Variants in KIF6 observed in about 807,000 individuals in gnomAD.
KIF6 encodes the protein kinesin family member 6.
KIF6 carries 106 observed loss-of-function variants against 112.7 expected under a neutral mutation model. The observed-to-expected ratio is 0.94, with a 90% CI of 0.80 to 1.11. The LOEUF (loss-of-function observed/expected upper bound fraction) is 1.11. KIF6 is among the 50% of genes least tolerant of loss of function. The pLI is 0.00. For synonymous variants in KIF6, 339 were observed against 339.9 expected (o/e 1.00, Z 0.03); for missense variants, 929 against 964.0 (o/e 0.96, Z 0.48).
intron 10 of KIF6, among the ~76,000 whole-genome samples, chr6:39,551,488 G>A (rs916791383): frequency 1.3e-5 from 2 of 152,072 alleles, no homozygotes; most frequent in South Asian, 2.1e-4. Flanking sequence ...AACTAAAAGA[G>A]TGGAATTGGA....
At chr6:39,547,708 A>G (rs913316634) in intron 10 of KIF6, among the ~76,000 whole-genome samples, 1 of 152,242 alleles carries the variant, frequency 6.6e-6, no homozygotes, top group Non-Finnish European at 1.5e-5. Flanking sequence ...ATGAGATCAT[A>G]GTCTGAATAA....
At chr6:39,484,563 T>C (rs2150463685) in intron 13 of KIF6, among the ~76,000 whole-genome samples, 1 of 152,206 alleles carries the variant, frequency 6.6e-6, no homozygotes, top group South Asian at 2.1e-4. Flanking sequence ...AAGCTGGAAA[T>C]GTAGACAGGC....
At chr6:39,354,043 T>C in intron 19 of KIF6, 1 of 322,752 alleles carries the variant, frequency 3.1e-6, no homozygotes, top group Non-Finnish European at 6.3e-6. Flanking sequence ...ATGACCAGCC[T>C]ACATAAGGCT....
At chr6:39,621,703 G>A (rs112832122) in intron 5 of KIF6, among the ~76,000 whole-genome samples, 234 of 152,288 alleles carry the variant, frequency 1.5e-3, no homozygotes, top group African/African-American at 5.4e-3. Context: ...CTTGAAGGTA[G>A]GCAGTAAAAT....
intron 5 of KIF6, among the ~76,000 whole-genome samples, chr6:39,630,036 T>C (rs908381754): frequency 6.6e-6 from 1 of 152,096 alleles, no homozygotes; most frequent in Admixed American, 6.6e-5. Context: ...TTCTGTTCCA[T>C]TGATATATGT....
chr6:39,705,622 G>A (rs1237275922), intron 3 of KIF6, among the ~76,000 whole-genome samples: 1 of 152,184 alleles, frequency 6.6e-6, no homozygotes, highest in Admixed American at 6.5e-5. Context: ...TTGCCTCCAT[G>A]AAGTTTAATT....
intron 3 of KIF6, among the ~76,000 whole-genome samples, chr6:39,648,997 C>CAAAA (rs11457388): frequency 7.9e-6 from 1 of 126,274 alleles, no homozygotes; most frequent in African/African-American, 2.9e-5. Flanking sequence ...CTGTCTCTGC[C>CAAAA]AAAAAAAAAA....
chr6:39,367,801 A>G (rs1478057489), intron 16 of KIF6, among the ~76,000 whole-genome samples: 3 of 152,162 alleles, frequency 2.0e-5, no homozygotes, highest in Non-Finnish European at 4.4e-5. Flanking sequence ...CCACGCAGTT[A>G]TCTGATATTT....
At chr6:39,568,414 AG>A (rs777743679) in intron 10 of KIF6, among the ~76,000 whole-genome samples, 28 of 152,166 alleles carry the variant, frequency 1.8e-4, no homozygotes, top group Non-Finnish European at 3.8e-4. Context: ...TAGGCCATTT[AG>A]GGCCTTTGCA....
Position 39,725,287 on chromosome 6 carries a change from T to C in KIF6, c.24A>G (p.Ile8Met), listed in dbSNP as rs771151596. The change falls in exon 1 of 23, where the codon ATA becomes ATG. Residue 8 changes from isoleucine (I) to methionine (M), a missense_variant. Physicochemically the swap from Ile to Met is conservative, Grantham distance 10. This residue lies in a region of KIF6 where 688 missense variants were observed against 662.7 expected (regional missense o/e 1.04). Coordinates refer to ENST00000287152, the MANE Select transcript of KIF6 (RefSeq NM_145027.6). ...GGACAGGGGGCTTCACCCTCGCGAATATCTGGATAGTCTGCTTCACCATCT... is the reference window on the plus strand; with the variant it reads ...GGACAGGGGGCTTCACCCTCGCGAACATCTGGATAGTCTGCTTCACCATCT... MVKQTIQ[I>M]FARVKPPVRK... 1.2e-6 allele frequency: 2 copies of C among 1,611,108 alleles called. No individual in the cohort carries two copies. Among genetic ancestry groups the C allele is most frequent in the Admixed American group, 1.7e-5 (1 of 59,772 alleles).
intron 13 of KIF6, among the ~76,000 whole-genome samples, chr6:39,460,536 TAAAAA>T (rs759528125): frequency 1.4e-4 from 8 of 57,070 alleles, no homozygotes; most frequent in South Asian, 1.6e-3. Flanking sequence ...AAAAAAAAAG[TAAAAA>T]AAAAAAAAAA....
In KIF6 at chr6:39,345,680, A is replaced by G; in HGVS notation, c.2321+20T>C. On this transcript the variant is annotated intron_variant, in intron 21 of 22. Coordinates refer to ENST00000287152, the MANE Select transcript of KIF6 (RefSeq NM_145027.6). ...CCACTGCAGGGGCTGTCACAGGCAT[A>G]ACAGGAGAAGACCACAGACCTGTCT... The G allele has an allele frequency of 1.2e-6, 2 of 1,604,996 alleles. No homozygotes were observed. Among genetic ancestry groups the G allele is most frequent in the East Asian group, 2.2e-5 (1 of 44,772 alleles).
intron 17 of KIF6, among the ~76,000 whole-genome samples, chr6:39,361,513 C>T (rs1672145193): frequency 7.3e-6 from 1 of 137,306 alleles, no homozygotes; most frequent in African/African-American, 2.7e-5. Flanking sequence ...GAGCCAAGAT[C>T]ACACCACTGC....
rs1326236666 is a variant in KIF6 at position 39,346,086 on chromosome 6, C to CTCTCTCTCTCTCTCTCTCTCTCT, written c.2232-298_2232-297insAGAGAGAGAGAGAGAGAGAGAGA. On this transcript the variant is annotated intron_variant, in intron 20 of 22. Transcript: ENST00000287152. Reference sequence around the variant, plus strand: ...TCTCTCTCTCTCTCTCTCTCTCTCTCCCCCCCCTCTCCCTCCCCCCCTCCC... The same window carrying CTCTCTCTCTCTCTCTCTCTCTCT: ...TCTCTCTCTCTCTCTCTCTCTCTCTCTCTCTCTCTCTCTCTCTCTCTCTCCCCCCCTCTCCCTCCCCCCCTCCC... Among the ~76,000 whole-genome samples, 16 of 26,994 alleles carry CTCTCTCTCTCTCTCTCTCTCTCT rather than the reference C, an allele frequency of 5.9e-4. 2 individuals carry two copies. The highest frequency in any genetic ancestry group is 1.6e-3 in the African/African-American group (9 of 5,796). The allele number at this position is 26,994 out of a possible 152,430, so 17.7% of individuals were successfully genotyped here. A position where few individuals can be genotyped will look rare whatever the true frequency, so the allele number is the denominator to read the frequency against.
intron 10 of KIF6, among the ~76,000 whole-genome samples, chr6:39,555,996 G>A (rs1297954954): frequency 6.7e-6 from 1 of 150,328 alleles, no homozygotes; most frequent in African/African-American, 2.5e-5. Flanking sequence ...GTAATGAATG[G>A]ATTCTTACAT....
At position 39,550,452 on chromosome 6, in the gene KIF6, A is replaced by T. The variant is rs939992272; in HGVS notation, c.1182-4764T>A. Among the ~76,000 whole-genome samples, 25 of 152,234 alleles carry T rather than the reference A, an allele frequency of 1.6e-4. 1 individual carries two copies. The highest frequency in any genetic ancestry group is 3.7e-4 in the Non-Finnish European group (25 of 68,032). ...TGGGGCAGAGATAGCAGAAGCATGC[A>T]GCAGCACAGTATTATTCTAGAGAAT... is the stretch of plus-strand genomic sequence containing the variant. On this transcript the variant is annotated intron_variant, in intron 10 of 22. Transcript: ENST00000287152.
intron 10 of KIF6, among the ~76,000 whole-genome samples, chr6:39,571,470 A>T (rs1206100842): frequency 6.6e-6 from 1 of 152,204 alleles, no homozygotes; most frequent in Non-Finnish European, 1.5e-5. Context: ...TGCAATCTGA[A>T]ATGCTCTATA....
chr6:39,544,292 G>A (rs1198046405), intron 12 of KIF6, among the ~76,000 whole-genome samples: 1 of 152,148 alleles, frequency 6.6e-6, no homozygotes, highest in African/African-American at 2.4e-5. Context: ...GGTGTAAAAA[G>A]GCTCATACTT....
rs534939469 is a variant in KIF6, at chr6:39,718,971, A to T, written c.176+1731T>A. ...TATATGAAAGACAAAAGGTAGAGTT[A>T]TGAAGACCAAGGAGAAATTCTTTAT... On this transcript the variant is annotated intron_variant, in intron 2 of 22. Coordinates refer to ENST00000287152, the MANE Select transcript of KIF6 (RefSeq NM_145027.6). Among the ~76,000 whole-genome samples the T allele has an allele frequency of 4.9e-4, 75 of 152,160 alleles. 1 individual carries two copies. The highest frequency in any genetic ancestry group is 2.9e-4 in the Non-Finnish European group (20 of 68,034).
Sources: allele counts gnomAD v4.1 joint callset (sites outside exome capture counted in the v4.1 genomes callset), GRCh38; gene constraint gnomAD v4.1.1; regional missense constraint gnomAD v4.1.1; transcripts MANE v1.5; gene names NCBI Gene and HGNC (gene_info 2026-07-23, HGNC 2026-07-21).